Variants in ZFYVE1 observed in about 807,000 individuals in gnomAD.
ZFYVE1 encodes zinc finger FYVE domain-containing protein 1.
A neutral mutation model predicts 74.4 loss-of-function variants in ZFYVE1; 30 were observed. The observed-to-expected ratio is 0.40, with a 90% CI of 0.30 to 0.55. ZFYVE1 has a LOEUF of 0.55. Ranked by LOEUF, ZFYVE1 falls within the 20% of genes least tolerant of loss-of-function variation. The probability of loss-of-function intolerance (pLI) is 0.42; values close to 1 mark genes in which losing one functional copy is unlikely to be tolerated. For synonymous variants in ZFYVE1, 335 were observed against 385.1 expected (o/e 0.87, Z 1.52); for missense variants, 703 against 1,011.6 (o/e 0.69, Z 4.14).
At chr14:72,996,663 C>T (rs1194460022) in intron 3 of ZFYVE1, among the ~76,000 whole-genome samples, 1 of 152,164 alleles carries the variant, frequency 6.6e-6, no homozygotes, top group Non-Finnish European at 1.5e-5. Context: ...TCTCTCAGAG[C>T]TCAAATGTCG....
At chr14:72,980,792 G>A (rs994787992) in intron 5 of ZFYVE1, among the ~76,000 whole-genome samples, 8 of 152,028 alleles carry the variant, frequency 5.3e-5, no homozygotes, top group East Asian at 3.9e-4. Context: ...TGCTGACCTC[G>A]TGATCCACCT....
At chr14:72,988,929 CTTTT>C (rs34464072) in intron 4 of ZFYVE1, among the ~76,000 whole-genome samples, 4 of 118,112 alleles carry the variant, frequency 3.4e-5, no homozygotes, top group East Asian at 4.7e-4. Flanking sequence ...GCAATTTCTT[CTTTT>C]TTTTTTTTTT....
intron 4 of ZFYVE1, among the ~76,000 whole-genome samples, chr14:72,986,503 A>G (rs2054990764): frequency 6.7e-6 from 1 of 150,058 alleles, no homozygotes; most frequent in African/African-American, 2.4e-5. Flanking sequence ...ATCCAACGTT[A>G]GCATGTTTTA....
At chr14:73,015,404 G>GGGGGGAAGGAA (rs1894179982) in intron 2 of ZFYVE1, among the ~76,000 whole-genome samples, 1 of 332 alleles carries the variant, frequency 3.0e-3, no homozygotes, top group African/African-American at 7.8e-3. Flanking sequence ...GGGGAAGGAA[G>GGGGGGAAGGAA]GGGGGGGAAG....
At chr14:73,021,949 G>T (rs1894328790) in intron 2 of ZFYVE1, among the ~76,000 whole-genome samples, 1 of 152,084 alleles carries the variant, frequency 6.6e-6, no homozygotes, top group Admixed American at 6.6e-5. Flanking sequence ...CTTTTTAAAG[G>T]TGCCAATGCA....
At chr14:73,012,575 T>G (rs191632041) in intron 2 of ZFYVE1, among the ~76,000 whole-genome samples, 4 of 152,010 alleles carry the variant, frequency 2.6e-5, no homozygotes, top group Admixed American at 2.6e-4. Context: ...TGAGCTGAGA[T>G]AGTGCCACTG....
chr14:73,001,697 C>T (rs1052343645), intron 2 of ZFYVE1, among the ~76,000 whole-genome samples: 5 of 151,328 alleles, frequency 3.3e-5, no homozygotes, highest in Admixed American at 6.6e-5. Context: ...ATACAAATTT[C>T]GGCTGGGCGC....
At position 72,970,009 on chromosome 14, in the gene ZFYVE1, T is replaced by C. The variant is rs1326888092; in HGVS notation, c.*873A>G. The C allele has an allele frequency of 1.5e-5, 7 of 451,852 alleles. No homozygotes were observed. Among genetic ancestry groups the C allele is most frequent in the Non-Finnish European group, 2.7e-5 (7 of 255,480 alleles). 28.0% of individuals were successfully genotyped at this position (451,852 alleles called of 1,614,324 possible). A position where few individuals can be genotyped will look rare whatever the true frequency, so the allele number is the denominator to read the frequency against. On this transcript the variant is annotated 3_prime_UTR_variant, in exon 12 of 12. Coordinates refer to ENST00000556143, the MANE Select transcript of ZFYVE1 (RefSeq NM_021260.4). ...TCCTAGTGCGACACTCAGAAGCAGA[T>C]GGTGGGCTTGAGGGGGCCGAGGGGT...
Position 72,970,072 on chromosome 14 carries a change from CT to C in ZFYVE1, c.*809del. 1 of 323,756 alleles carries C rather than the reference CT, an allele frequency of 3.1e-6. No homozygotes were observed. The allele number at this position is 323,756 out of a possible 1,614,324, so 20.1% of individuals were successfully genotyped here. A position where few individuals can be genotyped will look rare whatever the true frequency, so the allele number is the denominator to read the frequency against. ...CTTCGATTGAGGAGCTGGGTGCCGC[CT>C]TTTGGGAAAGCCGAGTGGAGACAGA... On this transcript the variant is annotated 3_prime_UTR_variant, in exon 12 of 12. Coordinates refer to ENST00000556143, the MANE Select transcript of ZFYVE1 (RefSeq NM_021260.4).
At chr14:73,004,831 C>CTACTAAAAA (rs1303449271) in intron 2 of ZFYVE1, among the ~76,000 whole-genome samples, 1 of 152,036 alleles carries the variant, frequency 6.6e-6, no homozygotes, top group Non-Finnish European at 1.5e-5. Flanking sequence ...AACCCTATCT[C>CTACTAAAAA]TACTAAAAAT....
Position 72,974,266 on chromosome 14 carries a change from C to T in ZFYVE1, c.1988-73G>A, listed in dbSNP as rs112766408. 8.1e-5 allele frequency: 113 copies of T among 1,388,130 alleles called. No homozygotes were observed. The African/African-American group carries it at 1.2e-3, about 15-fold the overall frequency. The allele number at this position is 1,388,130 out of a possible 1,614,324, so 86.0% of individuals were successfully genotyped here. On this transcript the variant is annotated intron_variant, in intron 10 of 11. Transcript: ENST00000556143. ...AAATGGAAAACTCAGGGACCAATAG[C>T]AGAACGCTTCTGGATTCTGATCCCA...
intron 4 of ZFYVE1, among the ~76,000 whole-genome samples, chr14:72,990,768 T>G (rs1893592151): frequency 7.5e-6 from 1 of 133,726 alleles, no homozygotes; most frequent in Admixed American, 8.8e-5. Flanking sequence ...CGCACTGTAC[T>G]CGGCCCACTG....
chr14:72,989,455 AG>A (rs1292721544), intron 4 of ZFYVE1, among the ~76,000 whole-genome samples: 1 of 152,054 alleles, frequency 6.6e-6, no homozygotes, highest in Non-Finnish European at 1.5e-5. Context: ...CAGACTGAGG[AG>A]GGGGGAGGTA....
At chr14:72,992,648 GTTCT>G (rs1454467989) in intron 4 of ZFYVE1, among the ~76,000 whole-genome samples, 2 of 138,438 alleles carry the variant, frequency 1.4e-5, no homozygotes, top group Non-Finnish European at 1.5e-5. Flanking sequence ...AGAGAGAGCT[GTTCT>G]TTCTCTTTCT....
rs924448447 is a variant in ZFYVE1, at chr14:72,970,085, C to T, written c.*797G>A. ...GCTGGGTGCCGCCTTTTGGGAAAGC[C>T]GAGTGGAGACAGAAGCATCGGGACA... is the stretch of plus-strand genomic sequence containing the variant. On this transcript the variant is annotated 3_prime_UTR_variant, in exon 12 of 12. Transcript: ENST00000556143. The T allele has an allele frequency of 2.0e-5, 6 of 301,938 alleles. No individual in the cohort carries two copies. Among genetic ancestry groups the T allele is most frequent in the Admixed American group, 1.9e-4 (4 of 20,758 alleles). 18.7% of individuals were successfully genotyped at this position (301,938 alleles called of 1,614,324 possible).
Position 73,024,628 on chromosome 14 carries a change from A to T in ZFYVE1, c.-120T>A. Reference sequence around the variant, plus strand: ...ACTTCCACAGGGTTCTGAACACTTTAAAAAAGAACACCTTTCATGTCCTGT... The same window carrying T: ...ACTTCCACAGGGTTCTGAACACTTTTAAAAAGAACACCTTTCATGTCCTGT... On this transcript the variant is annotated 5_prime_UTR_variant, in exon 2 of 12. The change abolishes the stop of an existing upstream ORF in the 5' untranslated region. Coordinates refer to ENST00000556143, the MANE Select transcript of ZFYVE1 (RefSeq NM_021260.4). The T allele has an allele frequency of 2.2e-6, 3 of 1,363,910 alleles. No individual in the cohort carries two copies. The highest frequency in any genetic ancestry group is 3.2e-5 in the South Asian group (2 of 62,590). 84.5% of individuals were successfully genotyped at this position (1,363,910 alleles called of 1,614,324 possible). A position where few individuals can be genotyped will look rare whatever the true frequency, so the allele number is the denominator to read the frequency against.
chr14:72,977,298 C>T (rs142430784), intron 8 of ZFYVE1, among the ~76,000 whole-genome samples: 4,502 of 152,010 alleles, frequency 0.03, 93 homozygotes, highest in Middle Eastern at 0.055. Flanking sequence ...CCCAGCTACT[C>T]GGGAAGCTGA....
rs535213995 is a variant in ZFYVE1 at position 73,001,974 on chromosome 14, G to T, written c.484-3659C>A. 1.1e-4 allele frequency among the ~76,000 whole-genome samples: 17 copies of T among 152,024 alleles called. 1 individual carries two copies. The South Asian group carries it at 3.3e-3, about 30-fold the overall frequency. On this transcript the variant is annotated intron_variant, in intron 2 of 11. Coordinates refer to ENST00000556143, the MANE Select transcript of ZFYVE1 (RefSeq NM_021260.4). Reference sequence around the variant, plus strand: ...AAAAAAAAAGAAAAAGAAAAAGAAAGAATACAAATTTCACTGTTACCTAAT... The same window carrying T: ...AAAAAAAAAGAAAAAGAAAAAGAAATAATACAAATTTCACTGTTACCTAAT...
At chr14:72,978,631 A>G (rs1197431099) in intron 6 of ZFYVE1, among the ~76,000 whole-genome samples, 5 of 151,592 alleles carry the variant, frequency 3.3e-5, no homozygotes, top group Non-Finnish European at 7.4e-5. Flanking sequence ...CCTTACATAC[A>G]AGCTCAACAG....
Sources: gnomAD v4.1 joint callset for allele counts (sites outside exome capture counted in the v4.1 genomes callset) on GRCh38, gnomAD v4.1.1 for gene constraint, MANE v1.5 for transcripts, NCBI Gene and HGNC (gene_info 2026-07-23, HGNC 2026-07-21) for gene names.